TIAM1: variants seen among roughly 807,000 people sequenced by gnomAD.
The protein encoded by TIAM1 is TIAM Rac1 associated GEF 1.
In TIAM1, 65 loss-of-function variants were observed where a neutral mutation model predicts 163.5. The observed-to-expected ratio is 0.40, with a 90% CI of 0.33 to 0.49. The LOEUF is 0.49. Among genes scored for constraint, TIAM1 ranks in the 20% least tolerant of loss-of-function variants. The pLI is 0.77. For missense variants in TIAM1, 1,789 were observed against 2,044.7 expected (o/e 0.87, Z 2.41); for synonymous variants, 833 against 810.1 (o/e 1.03, Z -0.48).
At chr21:31,544,938 G>A (rs185420152) in intron 1 of TIAM1, among the ~76,000 whole-genome samples, 220 of 152,140 alleles carry the variant, frequency 1.4e-3, no homozygotes, top group African/African-American at 5.1e-3. Flanking sequence ...GCGTGAACCC[G>A]GGAGGCGGAG....
At chr21:31,455,646 G>A (rs571492546) in intron 2 of TIAM1, among the ~76,000 whole-genome samples, 2 of 152,266 alleles carry the variant, frequency 1.3e-5, no homozygotes, top group South Asian at 4.1e-4. Flanking sequence ...AGTAAACTAT[G>A]AGTTAATAGT....
intron 1 of TIAM1, among the ~76,000 whole-genome samples, chr21:31,517,409 T>A (rs2047421199): frequency 6.6e-6 from 1 of 152,142 alleles, no homozygotes; most frequent in African/African-American, 2.4e-5. Flanking sequence ...GGTCCTATAA[T>A]ATAAAAATAT....
In TIAM1 at chr21:31,310,966, GC is replaced by G. The variant is rs200459912; in HGVS notation, c.-189+28276del. ...GTGCAATGCAATCCTCTGACAAAGGGCCGCATTCCAATTTTTCTTAAGAGAA... is the reference window on the plus strand; with the variant it reads ...GTGCAATGCAATCCTCTGACAAAGGGCGCATTCCAATTTTTCTTAAGAGAA... On this transcript the variant is annotated intron_variant, in intron 2 of 27. Coordinates refer to ENST00000541036, the MANE Select transcript of TIAM1 (RefSeq NM_001353694.2). 2.0e-4 allele frequency among the ~76,000 whole-genome samples: 30 copies of G among 152,178 alleles called. No homozygotes were observed. In the East Asian group the frequency reaches 5.6e-3, roughly 28 times the overall value.
At chr21:31,286,684 C>A (rs1041664262) in intron 2 of TIAM1, among the ~76,000 whole-genome samples, 2 of 152,122 alleles carry the variant, frequency 1.3e-5, no homozygotes, top group African/African-American at 4.8e-5. Flanking sequence ...TGGTACTCCA[C>A]CCTAGGCAAC....
intron 1 of TIAM1, among the ~76,000 whole-genome samples, chr21:31,507,368 C>G (rs2047068981): frequency 6.6e-6 from 1 of 151,358 alleles, no homozygotes; most frequent in African/African-American, 2.4e-5. Context: ...CCATGCCCCG[C>G]TAATTTTTTT....
At chr21:31,309,287 G>A (rs1016831826) in intron 2 of TIAM1, among the ~76,000 whole-genome samples, 5 of 151,966 alleles carry the variant, frequency 3.3e-5, no homozygotes, top group African/African-American at 1.2e-4. Context: ...GTAAAACCCT[G>A]TCTCTACTAA....
chr21:31,452,053 A>G (rs879844675), intron 2 of TIAM1, among the ~76,000 whole-genome samples: 1 of 152,218 alleles, frequency 6.6e-6, no homozygotes, highest in African/African-American at 2.4e-5. Flanking sequence ...ACCACCTTAC[A>G]GAGGGCACAT....
At chr21:31,219,709 G>C (rs2087437579) in intron 8 of TIAM1, among the ~76,000 whole-genome samples, 1 of 151,992 alleles carries the variant, frequency 6.6e-6, no homozygotes, top group Non-Finnish European at 1.5e-5. Flanking sequence ...CTTGCATTTT[G>C]CATTTTCTCA....
intron 1 of TIAM1, among the ~76,000 whole-genome samples, chr21:31,485,613 C>G (rs1010831494): frequency 1.3e-5 from 2 of 152,122 alleles, no homozygotes; most frequent in Admixed American, 1.3e-4. Flanking sequence ...TATCAGGAAC[C>G]TCAATAAGCT....
intron 13 of TIAM1, among the ~76,000 whole-genome samples, chr21:31,191,314 C>A (rs2146479178): frequency 6.6e-6 from 1 of 152,216 alleles, no homozygotes; most frequent in Non-Finnish European, 1.5e-5. Context: ...TGTCACCAAG[C>A]CCGTCTAATT....
At chr21:31,513,322 G>A (rs2047274240) in intron 1 of TIAM1, among the ~76,000 whole-genome samples, 1 of 152,250 alleles carries the variant, frequency 6.6e-6, no homozygotes, top group African/African-American at 2.4e-5. Flanking sequence ...GAAGCTACCT[G>A]CCCAAAGTTA....
intron 2 of TIAM1, among the ~76,000 whole-genome samples, chr21:31,463,605 G>A (rs1480034901): frequency 6.6e-6 from 1 of 152,050 alleles, no homozygotes; most frequent in Non-Finnish European, 1.5e-5. Flanking sequence ...ATCACCTGAG[G>A]TAAGGAGTTC....
At chr21:31,373,429 G>A (rs1364213649) in intron 2 of TIAM1, among the ~76,000 whole-genome samples, 3 of 152,088 alleles carry the variant, frequency 2.0e-5, no homozygotes, top group Non-Finnish European at 2.9e-5. Context: ...GGCAGGAAGC[G>A]AAAGGCACTT....
At chr21:31,548,472 C>A (rs1601064666) in intron 1 of TIAM1, among the ~76,000 whole-genome samples, 1 of 146,394 alleles carries the variant, frequency 6.8e-6, no homozygotes, top group Non-Finnish European at 1.5e-5. Flanking sequence ...GGTTTCTCAA[C>A]CTTAACCTTT....
chr21:31,508,551 C>A (rs964774140), intron 1 of TIAM1, among the ~76,000 whole-genome samples: 1 of 151,996 alleles, frequency 6.6e-6, no homozygotes, highest in Non-Finnish European at 1.5e-5. Flanking sequence ...ACCACCACAC[C>A]CAGCTAATTT....
At position 31,306,636 on chromosome 21, in the gene TIAM1, G is replaced by A. The variant is rs116445934; in HGVS notation, c.-188-29728C>T. On this transcript the variant is annotated intron_variant, in intron 2 of 27. Transcript: ENST00000541036. ...GTGATGTGTCTGCCAGTGATGCAACGATCCAATGTGGAGTGAATCGTGAGA... is the reference window on the plus strand; with the variant it reads ...GTGATGTGTCTGCCAGTGATGCAACAATCCAATGTGGAGTGAATCGTGAGA... Among the ~76,000 whole-genome samples the A allele has an allele frequency of 9.8e-3, 1,486 of 152,248 alleles. 4 individuals carry two copies. The highest frequency in any genetic ancestry group is 0.02 in the Middle Eastern group (6 of 294).
intron 7 of TIAM1, among the ~76,000 whole-genome samples, chr21:31,225,179 T>G (rs3787678): frequency 0.23 from 34,526 of 151,870 alleles, 6,516 homozygotes; most frequent in African/African-American, 0.5. Flanking sequence ...TGTATTTTTT[T>G]TGTAGAGATA....
At chr21:31,557,922 G>A (rs2048941166) in intron 1 of TIAM1, among the ~76,000 whole-genome samples, 1 of 152,060 alleles carries the variant, frequency 6.6e-6, no homozygotes, top group Non-Finnish European at 1.5e-5. Context: ...CCGGGTGCAG[G>A]GGACCTAGAG....
intron 2 of TIAM1, among the ~76,000 whole-genome samples, chr21:31,406,991 A>C (rs1216509655): frequency 2.0e-5 from 3 of 152,130 alleles, no homozygotes; most frequent in Admixed American, 6.5e-5. Context: ...GGACACTTTT[A>C]AGGTCATACA....
Sources: gnomAD v4.1 joint callset for allele counts (sites outside exome capture counted in the v4.1 genomes callset) on GRCh38, gnomAD v4.1.1 for gene constraint, MANE v1.5 for transcripts, NCBI Gene and HGNC (gene_info 2026-07-23, HGNC 2026-07-21) for gene names.